The following SLFN12L variants were observed in gnomAD, a reference collection of about 807,000 sequenced individuals.
SLFN12L encodes the protein schlafen family member 12 like, also known as schlafen family member 12-like.
SLFN12L carries 34 observed loss-of-function variants against 34.8 expected under a neutral mutation model. That is an observed-to-expected ratio of 0.98 (90% CI 0.74 to 1.30). The LOEUF is 1.30. Ranked by LOEUF, SLFN12L falls within the 50% of genes most tolerant of loss-of-function variation. The probability of loss-of-function intolerance (pLI) is 0.00; values close to 1 mark genes in which losing one functional copy is unlikely to be tolerated. For synonymous variants in SLFN12L, 259 were observed against 247.5 expected (o/e 1.05, Z -0.44); for missense variants, 703 against 696.2 (o/e 1.01, Z -0.11).
In SLFN12L at chr17:35,467,349, A is replaced by G. The variant is rs1913731670; in HGVS notation, c.*7574T>C. ...CATTGCCTAATGAATTGTCCCTTTC[A>G]GATTAAGGAACACTAAGAACCTCTT... On this transcript the variant is annotated 3_prime_UTR_variant, in exon 5 of 5. Coordinates refer to ENST00000628453, the MANE Select transcript of SLFN12L (RefSeq NM_001363830.2). Among the ~76,000 whole-genome samples the G allele has an allele frequency of 6.6e-6, 1 of 152,216 alleles. No homozygotes were observed. Among genetic ancestry groups the G allele is most frequent in the African/African-American group, 2.4e-5 (1 of 41,454 alleles).
rs1216075063 is a variant in SLFN12L, at chr17:35,464,879, T to C, written c.*10044A>G. Among the ~76,000 whole-genome samples the C allele has an allele frequency of 4.6e-5, 7 of 152,182 alleles. No individual in the cohort carries two copies. The highest frequency in any genetic ancestry group is 2.1e-4 in the South Asian group (1 of 4,830). ...TGTAAGGTTTTTTGTTTTCTGTTTTTTGCTTTTTTTAGAGAGAGATAAAGT... is the reference window on the plus strand; with the variant it reads ...TGTAAGGTTTTTTGTTTTCTGTTTTCTGCTTTTTTTAGAGAGAGATAAAGT... On this transcript the variant is annotated 3_prime_UTR_variant, in exon 5 of 5. Coordinates refer to ENST00000628453, the MANE Select transcript of SLFN12L (RefSeq NM_001363830.2).
In SLFN12L at chr17:35,465,085, C is replaced by T. The variant is rs1247879626; in HGVS notation, c.*9838G>A. On this transcript the variant is annotated 3_prime_UTR_variant, in exon 5 of 5. Transcript: ENST00000628453. ...TAGAGATGAGGTTTCACTATATGTT[C>T]GCCAGGCTGGTCTCGAACTCCTGGC... Among the ~76,000 whole-genome samples the T allele has an allele frequency of 1.3e-5, 2 of 152,092 alleles. No individual in the cohort carries two copies. Among genetic ancestry groups the T allele is most frequent in the Admixed American group, 6.5e-5 (1 of 15,272 alleles).
At position 35,491,265 on chromosome 17, in the gene SLFN12L, TA is replaced by T. The variant is rs903300229; in HGVS notation, c.87-11071del. 57 of 924,002 alleles carry T rather than the reference TA, an allele frequency of 6.2e-5. No homozygotes were observed. The African/African-American group carries it at 6.6e-4, about 11-fold the overall frequency. 57.2% of individuals were successfully genotyped at this position (924,002 alleles called of 1,614,324 possible). ...GATTATGCTTCATGTGAACTCTCCTTAAAAACCAATTTTTTTAAATCATGGA... is the reference window on the plus strand; with the variant it reads ...GATTATGCTTCATGTGAACTCTCCTTAAAACCAATTTTTTTAAATCATGGA... On this transcript the variant is annotated intron_variant, in intron 2 of 4. Transcript: ENST00000628453.
chr17:35,504,496 C>T (rs1293698011), intron 2 of SLFN12L, among the ~76,000 whole-genome samples: 1 of 152,230 alleles, frequency 6.6e-6, no homozygotes, highest in African/African-American at 2.4e-5. Context: ...TCTGTCCACA[C>T]ATAAAACAAA....
rs112489086 is a variant in SLFN12L at position 35,509,220 on chromosome 17, G to A, written c.86+13059C>T. On this transcript the variant is annotated intron_variant, in intron 2 of 4. Transcript: ENST00000628453. Reference sequence around the variant, plus strand: ...AGCTCAGTTATTAGATTACTGTAGGGGATGAGGGAGAGGAAGCACCAAGGG... The same window carrying A: ...AGCTCAGTTATTAGATTACTGTAGGAGATGAGGGAGAGGAAGCACCAAGGG... 7.9e-3 allele frequency among the ~76,000 whole-genome samples: 1,203 copies of A among 152,282 alleles called. 8 individuals carry two copies. Among genetic ancestry groups the A allele is most frequent in the Non-Finnish European group, 0.012 (817 of 68,024 alleles).
chr17:35,482,899 C>T (rs1391021922), intron 2 of SLFN12L, among the ~76,000 whole-genome samples: 1 of 152,128 alleles, frequency 6.6e-6, no homozygotes, highest in Non-Finnish European at 1.5e-5. Flanking sequence ...GGACCAATGG[C>T]ACACACTTCC....
chr17:35,498,196 G>A (rs1412786746), intron 2 of SLFN12L: 1 of 696,384 alleles, frequency 1.4e-6, no homozygotes, highest in East Asian at 2.6e-5. Flanking sequence ...GGGAGCCGGG[G>A]CCGCCTGGGA....
chr17:35,533,572 T>A (rs1008689344), intron 1 of SLFN12L, among the ~76,000 whole-genome samples: 6 of 152,112 alleles, frequency 3.9e-5, no homozygotes. Context: ...TGAGTTAAGA[T>A]CTGAAGAATG....
intron 2 of SLFN12L, among the ~76,000 whole-genome samples, chr17:35,496,506 C>T (rs970506549): frequency 2.6e-5 from 4 of 151,072 alleles, no homozygotes; most frequent in African/African-American, 9.7e-5. Flanking sequence ...TTCCGACTTC[C>T]CCCCTCCCCA....
intron 2 of SLFN12L, among the ~76,000 whole-genome samples, chr17:35,486,472 G>A (rs1597840567): frequency 6.6e-6 from 1 of 152,116 alleles, no homozygotes; most frequent in South Asian, 2.1e-4. Flanking sequence ...ATAGAGGACC[G>A]AGCACTTGTG....
chr17:35,528,604 A>G (rs991128777), intron 1 of SLFN12L, among the ~76,000 whole-genome samples: 2 of 152,188 alleles, frequency 1.3e-5, no homozygotes, highest in Admixed American at 6.5e-5. Context: ...AGGATTCCCT[A>G]TTCAATAAAT....
chr17:35,532,206 G>A (rs1352890362), intron 1 of SLFN12L, among the ~76,000 whole-genome samples: 1 of 152,090 alleles, frequency 6.6e-6, no homozygotes, highest in Non-Finnish European at 1.5e-5. Context: ...TTGGGAGGCC[G>A]AGGCGAGTGG....
chr17:35,483,410 A>G (rs896654155), intron 2 of SLFN12L, among the ~76,000 whole-genome samples: 17 of 152,168 alleles, frequency 1.1e-4, no homozygotes, highest in Admixed American at 1.1e-3. Flanking sequence ...CAGAAAATCA[A>G]CACCCTGAAG....
intron 2 of SLFN12L, among the ~76,000 whole-genome samples, chr17:35,496,095 C>A (rs573145289): frequency 6.6e-6 from 1 of 151,984 alleles, no homozygotes; most frequent in African/African-American, 2.4e-5. Flanking sequence ...TCACAGCAAG[C>A]AGGAGAGCAG....
intron 2 of SLFN12L, chr17:35,490,948 G>A (rs540701692): frequency 2.5e-6 from 2 of 787,594 alleles, no homozygotes; most frequent in East Asian, 2.4e-5. Flanking sequence ...AACCCACCTC[G>A]TTGGTTTCAA....
At chr17:35,490,658 G>A in intron 2 of SLFN12L, 3 of 971,298 alleles carry the variant, frequency 3.1e-6, no homozygotes, top group Non-Finnish European at 5.0e-6. Context: ...ATCCCAAGCT[G>A]CACGCTGGAC....
intron 1 of SLFN12L, among the ~76,000 whole-genome samples, chr17:35,535,469 T>C (rs1441897667): frequency 6.6e-6 from 1 of 151,150 alleles, no homozygotes; most frequent in African/African-American, 2.4e-5. Flanking sequence ...AGTGCTGGGA[T>C]TACAGCACCG....
chr17:35,493,188 A>G (rs1914908880), intron 2 of SLFN12L, among the ~76,000 whole-genome samples: 1 of 152,168 alleles, frequency 6.6e-6, no homozygotes. Flanking sequence ...TCCTCCCCTC[A>G]CACACACTGG....
chr17:35,508,488 A>G (rs1915537567), intron 2 of SLFN12L, among the ~76,000 whole-genome samples: 1 of 152,160 alleles, frequency 6.6e-6, no homozygotes, highest in Non-Finnish European at 1.5e-5. Context: ...CTGGGACTAC[A>G]GACACCCGCC....
Sources: gnomAD v4.1 joint callset for allele counts (sites outside exome capture counted in the v4.1 genomes callset) on GRCh38, gnomAD v4.1.1 for gene constraint, MANE v1.5 for transcripts, NCBI Gene and HGNC (gene_info 2026-07-23, HGNC 2026-07-21) for gene names.